Variants in TSPAN5 observed in about 807,000 individuals in gnomAD.
The protein encoded by TSPAN5 is tetraspanin 5.
Under a neutral mutation model 37.1 loss-of-function variants are expected in TSPAN5, and 10 were observed. The observed-to-expected ratio is 0.27, with a 90% CI of 0.17 to 0.46. TSPAN5 has a LOEUF of 0.46. Ranked by LOEUF, TSPAN5 falls within the 20% of genes least tolerant of loss-of-function variation. The pLI, the probability that TSPAN5 is intolerant of heterozygous loss-of-function variation, is 1.00. For missense variants in TSPAN5, 195 were observed against 326.6 expected (o/e 0.60, Z 3.11); for synonymous variants, 110 against 118.9 (o/e 0.93, Z 0.48).
intron 3 of TSPAN5, chr4:98,484,312 A>AT (rs1752913319): frequency 2.5e-6 from 1 of 393,626 alleles, no homozygotes; most frequent in Admixed American, 3.4e-5. Flanking sequence ...TAGTTCCTAG[A>AT]TTTTCCCTCA....
intron 1 of TSPAN5, among the ~76,000 whole-genome samples, chr4:98,578,567 A>T (rs892635219): frequency 1.3e-5 from 2 of 152,020 alleles, no homozygotes; most frequent in Non-Finnish European, 2.9e-5. Flanking sequence ...TTACAGGCAC[A>T]CACCACCACG....
At chr4:98,589,110 C>T (rs985076627) in intron 1 of TSPAN5, among the ~76,000 whole-genome samples, 1 of 152,152 alleles carries the variant, frequency 6.6e-6, no homozygotes, top group Non-Finnish European at 1.5e-5. Context: ...CAACACCTTC[C>T]TCTTTGATGC....
At position 98,594,284 on chromosome 4, in the gene TSPAN5, G is replaced by T. The variant is rs983178716; in HGVS notation, c.81+63862C>A. 2.5e-5 allele frequency among the ~76,000 whole-genome samples: 3 copies of T among 120,462 alleles called. 1 individual carries two copies. The highest frequency in any genetic ancestry group is 1.2e-4 in the African/African-American group (3 of 24,556). The allele number at this position is 120,462 out of a possible 152,430, so 79.0% of individuals were successfully genotyped here. Reference sequence around the variant, plus strand: ...AGAATGCTTGTGATTTTTGTACATTGATTTTGTATCCTGAGACTTTGCTGA... The same window carrying T: ...AGAATGCTTGTGATTTTTGTACATTTATTTTGTATCCTGAGACTTTGCTGA... On this transcript the variant is annotated intron_variant, in intron 1 of 7. Transcript: ENST00000305798.
chr4:98,589,033 C>G (rs551394859), intron 1 of TSPAN5, among the ~76,000 whole-genome samples: 1 of 152,282 alleles, frequency 6.6e-6, no homozygotes, highest in East Asian at 1.9e-4. Context: ...AAGGGACACA[C>G]AGCAGAAATG....
At chr4:98,572,131 T>G (rs2110183593) in intron 1 of TSPAN5, among the ~76,000 whole-genome samples, 1 of 152,140 alleles carries the variant, frequency 6.6e-6, no homozygotes, top group South Asian at 2.1e-4. Flanking sequence ...ACCTGGCTAA[T>G]TTTTGTATTT....
At chr4:98,631,850 CG>C (rs1330096835) in intron 1 of TSPAN5, among the ~76,000 whole-genome samples, 1 of 152,162 alleles carries the variant, frequency 6.6e-6, no homozygotes, top group African/African-American at 2.4e-5. Flanking sequence ...TCTGGGGACT[CG>C]GCCATAATAG....
At chr4:98,536,823 C>G (rs1205749403) in intron 1 of TSPAN5, among the ~76,000 whole-genome samples, 4 of 152,224 alleles carry the variant, frequency 2.6e-5, no homozygotes, top group Non-Finnish European at 5.9e-5. Flanking sequence ...CAAGCCTCAG[C>G]AATGGCGGAC....
chr4:98,627,596 G>C (rs1440764034), intron 1 of TSPAN5, among the ~76,000 whole-genome samples: 1 of 152,172 alleles, frequency 6.6e-6, no homozygotes, highest in Non-Finnish European at 1.5e-5. Flanking sequence ...TCTTGGCTTA[G>C]AGTCAGCCAA....
intron 2 of TSPAN5, among the ~76,000 whole-genome samples, chr4:98,492,709 G>A (rs1040790714): frequency 3.9e-5 from 6 of 152,274 alleles, no homozygotes; most frequent in East Asian, 3.9e-4. Context: ...TAATTAAGCC[G>A]GTGTAAACAG....
At chr4:98,566,346 C>T (rs1220465174) in intron 1 of TSPAN5, among the ~76,000 whole-genome samples, 33 of 32,666 alleles carry the variant, frequency 1.0e-3, no homozygotes, top group Non-Finnish European at 1.6e-3. Flanking sequence ...AACCTTATGG[C>T]GGGTGGGGGT....
chr4:98,591,949 C>T (rs1755644443), intron 1 of TSPAN5, among the ~76,000 whole-genome samples: 1 of 151,016 alleles, frequency 6.6e-6, no homozygotes, highest in Admixed American at 6.6e-5. Flanking sequence ...CTTATACTCC[C>T]TTATTTAAAG....
chr4:98,592,436 T>TTA (rs1553916164), intron 1 of TSPAN5, among the ~76,000 whole-genome samples: 1 of 147,658 alleles, frequency 6.8e-6, no homozygotes, highest in African/African-American at 2.6e-5. Flanking sequence ...TTGTTTTTTT[T>TTA]TTTTTTTTTT....
intron 4 of TSPAN5, 68 bp from the exon 5 acceptor site, chr4:98,478,878 G>A (rs1368278115): frequency 2.2e-5 from 34 of 1,576,210 alleles, no homozygotes; most frequent in Admixed American, 5.1e-5. Context: ...ACTCACACCC[G>A]CCGAACGACA....
At chr4:98,493,787 G>T (rs1753137618) in intron 2 of TSPAN5, among the ~76,000 whole-genome samples, 1 of 152,114 alleles carries the variant, frequency 6.6e-6, no homozygotes, top group Non-Finnish European at 1.5e-5. Flanking sequence ...AGCTGTTGTT[G>T]CAGCAGGCAG....
chr4:98,496,963 T>TA (rs1315092368), intron 2 of TSPAN5, among the ~76,000 whole-genome samples: 1 of 151,966 alleles, frequency 6.6e-6, no homozygotes, highest in African/African-American at 2.4e-5. Flanking sequence ...AGGTGGGGCC[T>TA]TTGGGAGGTA....
chr4:98,608,582 G>A (rs370119094), intron 1 of TSPAN5, among the ~76,000 whole-genome samples: 22 of 152,102 alleles, frequency 1.4e-4, no homozygotes, highest in East Asian at 5.8e-4. Context: ...CGAGGCCCAG[G>A]TCACCTGACC....
intron 1 of TSPAN5, among the ~76,000 whole-genome samples, chr4:98,520,598 T>C (rs1016687812): frequency 6.6e-5 from 10 of 152,178 alleles, no homozygotes; most frequent in African/African-American, 2.4e-4. Context: ...GCAGAGTAAC[T>C]GTGTGTGACC....
intron 1 of TSPAN5, among the ~76,000 whole-genome samples, chr4:98,518,907 G>A (rs1753796268): frequency 2.6e-5 from 4 of 152,268 alleles, no homozygotes. Context: ...ATAGCTGTAT[G>A]TGTTATGGGT....
chr4:98,585,396 GC>G (rs754329319), intron 1 of TSPAN5, among the ~76,000 whole-genome samples: 4 of 151,994 alleles, frequency 2.6e-5, no homozygotes, highest in Non-Finnish European at 5.9e-5. Context: ...TGCGACCTCT[GC>G]CTCCGGGGTT....
Sources: gnomAD v4.1 joint callset for allele counts (sites outside exome capture counted in the v4.1 genomes callset) on GRCh38, gnomAD v4.1.1 for gene constraint, MANE v1.5 for transcripts, NCBI Gene and HGNC (gene_info 2026-07-23, HGNC 2026-07-21) for gene names.